Variants in RNF24 observed in about 807,000 individuals in gnomAD.
The protein encoded by RNF24 is ring finger protein 24.
In RNF24, 14 loss-of-function variants were observed where a neutral mutation model predicts 20.0. The ratio of observed to expected loss-of-function variants is 0.70; its 90% CI spans 0.46 to 1.10. The LOEUF is 1.10. Ranked by LOEUF, RNF24 falls within the 50% of genes least tolerant of loss-of-function variation. RNF24 has a pLI of 0.00. For missense variants in RNF24, 124 were observed against 177.6 expected (o/e 0.70, Z 1.71); for synonymous variants, 45 against 61.1 (o/e 0.74, Z 1.23).
intron 3 of RNF24, among the ~76,000 whole-genome samples, chr20:3,947,098 G>C (rs1432686346): frequency 6.6e-6 from 1 of 152,180 alleles, no homozygotes; most frequent in Non-Finnish European, 1.5e-5. Context: ...GGGAGGCTGA[G>C]GCAGGAGATC....
chr20:3,932,754 C>T lies in RNF24; in HGVS notation c.*1309G>A. ...AGATGGAGGGAGGCGGAGAGCAGGGCTGTGGAAAAGAATTTTCCATCTGAC... is the reference window on the plus strand; with the variant it reads ...AGATGGAGGGAGGCGGAGAGCAGGGTTGTGGAAAAGAATTTTCCATCTGAC... On this transcript the variant is annotated 3_prime_UTR_variant, in exon 6 of 6. Coordinates refer to ENST00000358395, the MANE Select transcript of RNF24 (RefSeq NM_001134337.3). 1 of 396,990 alleles carries T rather than the reference C, an allele frequency of 2.5e-6. No individual in the cohort carries two copies. Among genetic ancestry groups the T allele is most frequent in the East Asian group, 3.6e-5 (1 of 28,048 alleles). The allele number at this position is 396,990 out of a possible 1,614,324, so 24.6% of individuals were successfully genotyped here. A position where few individuals can be genotyped will look rare whatever the true frequency, so the allele number is the denominator to read the frequency against.
chr20:3,951,237 G>A (rs1203572996), intron 2 of RNF24, among the ~76,000 whole-genome samples: 2 of 152,146 alleles, frequency 1.3e-5, no homozygotes, highest in East Asian at 1.9e-4. Flanking sequence ...GATTACAGGC[G>A]TGAGCCACCG....
chr20:3,942,464 C>T (rs973700220), intron 4 of RNF24, among the ~76,000 whole-genome samples: 2 of 151,808 alleles, frequency 1.3e-5, no homozygotes, highest in Admixed American at 6.6e-5. Flanking sequence ...CCACCGTGTC[C>T]GGCCTGGACA....
chr20:3,935,205 A>G (rs2090876359), intron 4 of RNF24, 132 bp from the exon 5 acceptor site: 1 of 617,102 alleles, frequency 1.6e-6, no homozygotes, highest in Non-Finnish European at 2.8e-6. Context: ...AAAAAAAGAA[A>G]TGAATGAATA....
intron 1 of RNF24, among the ~76,000 whole-genome samples, chr20:3,985,864 G>C (rs1247009393): frequency 2.0e-5 from 3 of 151,776 alleles, no homozygotes; most frequent in Non-Finnish European, 4.4e-5. Context: ...TCCGCCTCCC[G>C]AGTAGCTGAG....
At chr20:4,008,670 C>T (rs1285380096) in intron 1 of RNF24, among the ~76,000 whole-genome samples, 1 of 148,822 alleles carries the variant, frequency 6.7e-6, no homozygotes, top group African/African-American at 2.5e-5. Flanking sequence ...TCTCAGCCTC[C>T]CGAGTAACTG....
chr20:3,952,533 CTT>C (rs2091092762), intron 2 of RNF24, among the ~76,000 whole-genome samples: 1 of 149,048 alleles, frequency 6.7e-6, no homozygotes, highest in Non-Finnish European at 1.5e-5. Flanking sequence ...CCTTTATAAT[CTT>C]TATTTGCTTC....
At chr20:4,014,462 G>A (rs1241658965) in intron 1 of RNF24, among the ~76,000 whole-genome samples, 1 of 152,134 alleles carries the variant, frequency 6.6e-6, no homozygotes, top group Non-Finnish European at 1.5e-5. Flanking sequence ...TGTCCTGTAC[G>A]GTGGAGTATT....
At chr20:3,987,793 G>A (rs1372286242) in intron 1 of RNF24, among the ~76,000 whole-genome samples, 2 of 152,130 alleles carry the variant, frequency 1.3e-5, no homozygotes, top group Non-Finnish European at 2.9e-5. Context: ...GGGGATGAGT[G>A]GGAACATAAT....
At chr20:4,010,047 TCACAAACAAACA>T (rs942168061) in intron 1 of RNF24, among the ~76,000 whole-genome samples, 1 of 71,628 alleles carries the variant, frequency 1.4e-5, no homozygotes, top group African/African-American at 5.3e-5. Flanking sequence ...TGAGACCCTG[TCACAAACAAACA>T]AACAAACAAA....
Position 3,931,881 on chromosome 20 carries a change from A to G in RNF24, c.*2182T>C, listed in dbSNP as rs2090828244. 1 of 152,166 alleles carries G rather than the reference A, an allele frequency of 6.6e-6. No homozygotes were observed. Among genetic ancestry groups the G allele is most frequent in the African/African-American group, 2.4e-5 (1 of 41,424 alleles). The allele number at this position is 152,166 out of a possible 1,614,324, so 9.4% of individuals were successfully genotyped here. On this transcript the variant is annotated 3_prime_UTR_variant, in exon 6 of 6. Transcript: ENST00000358395. ...TCCAGTGCTACGTATCAACCCCCTCAACATGCCTGTGGCTCTGACACGGGG... is the reference window on the plus strand; with the variant it reads ...TCCAGTGCTACGTATCAACCCCCTCGACATGCCTGTGGCTCTGACACGGGG...
intron 1 of RNF24, among the ~76,000 whole-genome samples, chr20:4,014,135 T>C (rs931455495): frequency 6.6e-6 from 1 of 152,230 alleles, no homozygotes. Flanking sequence ...TGTTTTCCAG[T>C]AGTCCTGTAA....
At chr20:3,974,274 TAAC>T in intron 1 of RNF24, 3 of 1,519,000 alleles carry the variant, frequency 2.0e-6, no homozygotes, top group Middle Eastern at 1.7e-4. Context: ...AACCAAACAA[TAAC>T]AACAAAAACT....
chr20:3,972,942 C>T (rs886251851), intron 1 of RNF24, among the ~76,000 whole-genome samples: 1 of 151,544 alleles, frequency 6.6e-6, no homozygotes, highest in Non-Finnish European at 1.5e-5. Context: ...ATGGCTCACG[C>T]CTGTAATCTC....
At position 3,933,399 on chromosome 20, in the gene RNF24, G is replaced by A. The variant is rs2090849230; in HGVS notation, c.*664C>T. 2.6e-6 allele frequency: 1 copy of A among 391,832 alleles called. No homozygotes were observed. The highest frequency in any genetic ancestry group is 4.4e-5 in the Admixed American group (1 of 22,550). 24.3% of individuals were successfully genotyped at this position (391,832 alleles called of 1,614,324 possible). A position where few individuals can be genotyped will look rare whatever the true frequency, so the allele number is the denominator to read the frequency against. On this transcript the variant is annotated 3_prime_UTR_variant, in exon 6 of 6. Coordinates refer to ENST00000358395, the MANE Select transcript of RNF24 (RefSeq NM_001134337.3). ...CTGGACGGGCCTTACTGGTGCATAG[G>A]AGAGGGAAATGATAAGAGGAAATGG...
chr20:4,007,737 A>G (rs34547540), intron 1 of RNF24, among the ~76,000 whole-genome samples: 2 of 135,618 alleles, frequency 1.5e-5, no homozygotes, highest in Non-Finnish European at 3.2e-5. Flanking sequence ...CCCTGTCTCT[A>G]CAAAAAAAAA....
intron 4 of RNF24, among the ~76,000 whole-genome samples, chr20:3,942,206 T>C (rs1321962705): frequency 6.6e-6 from 1 of 151,344 alleles, no homozygotes; most frequent in Non-Finnish European, 1.5e-5. Flanking sequence ...TCTTGCCCTG[T>C]CACCCAGGCT....
intron 1 of RNF24, among the ~76,000 whole-genome samples, chr20:3,998,895 C>T (rs893271936): frequency 6.0e-5 from 9 of 151,160 alleles, no homozygotes; most frequent in Admixed American, 1.3e-4. Context: ...GCATGGTCAT[C>T]ATGGCAAAAC....
chr20:3,961,963 G>A (rs1329589922), intron 2 of RNF24, among the ~76,000 whole-genome samples: 1 of 151,922 alleles, frequency 6.6e-6, no homozygotes, highest in African/African-American at 2.4e-5. Flanking sequence ...TTATTATATT[G>A]GAATTGCAGT....
Sources: gnomAD v4.1 joint callset for allele counts (sites outside exome capture counted in the v4.1 genomes callset) on GRCh38, gnomAD v4.1.1 for gene constraint, MANE v1.5 for transcripts, NCBI Gene and HGNC (gene_info 2026-07-23, HGNC 2026-07-21) for gene names.